Variants in DPYSL2 observed in about 807,000 individuals in gnomAD.
DPYSL2 encodes dihydropyrimidinase-related protein 2.
In DPYSL2, 13 loss-of-function variants were observed where a neutral mutation model predicts 69.9. The ratio of observed to expected loss-of-function variants is 0.19; its 90% CI spans 0.12 to 0.30. The LOEUF is 0.30. DPYSL2 is among the 10% of genes least tolerant of loss of function. DPYSL2 has a pLI of 1.00. For synonymous variants in DPYSL2, 326 were observed against 359.1 expected (o/e 0.91, Z 1.04); for missense variants, 587 against 918.9 (o/e 0.64, Z 4.67).
chr8:26,616,035 C>T (rs958820933), intron 3 of DPYSL2, among the ~76,000 whole-genome samples: 6 of 152,172 alleles, frequency 3.9e-5, no homozygotes, highest in East Asian at 1.9e-4. Context: ...CATATTCCCT[C>T]GTTTACAACA....
intron 3 of DPYSL2, among the ~76,000 whole-genome samples, chr8:26,601,902 G>A (rs1027232140): frequency 2.6e-5 from 4 of 152,252 alleles, no homozygotes; most frequent in African/African-American, 9.6e-5. Context: ...CAGGGATATT[G>A]AGGCAGGACA....
Position 26,591,312 on chromosome 8 carries a change from C to G in DPYSL2, c.628+7329C>G, listed in dbSNP as rs1801721952. On this transcript the variant is annotated intron_variant, in intron 3 of 13. Coordinates refer to ENST00000521913, the MANE Select transcript of DPYSL2 (RefSeq NM_001197293.3). This position sits in a 1 kb window ranked among gnomAD's most constrained non-coding sequence, Gnocchi z 5.8. ...GGCCCATGGGAATGCTAGGCTCCAGCAAGTTCTGCCTGACCTTTGGATGTG... is the reference window on the plus strand; with the variant it reads ...GGCCCATGGGAATGCTAGGCTCCAGGAAGTTCTGCCTGACCTTTGGATGTG... 6.6e-6 allele frequency among the ~76,000 whole-genome samples: 1 copy of G among 152,210 alleles called. No individual in the cohort carries two copies. The highest frequency in any genetic ancestry group is 1.5e-5 in the Non-Finnish European group (1 of 68,024).
At chr8:26,577,111 G>C in intron 1 of DPYSL2, 1 of 441,732 alleles carries the variant, frequency 2.3e-6, no homozygotes, top group Non-Finnish European at 4.5e-6. Flanking sequence ...AGCCTTCCCC[G>C]GATGCCTCCT....
intron 7 of DPYSL2, among the ~76,000 whole-genome samples, chr8:26,633,724 C>T (rs906293760): frequency 4.6e-5 from 7 of 152,168 alleles, no homozygotes; most frequent in Non-Finnish European, 1.0e-4. Context: ...GATCCACACT[C>T]CTCAGCCTCC....
At position 26,594,551 on chromosome 8, in the gene DPYSL2, T is replaced by C. The variant is rs549504053; in HGVS notation, c.628+10568T>C. On this transcript the variant is annotated intron_variant, in intron 3 of 13. Transcript: ENST00000521913. ...TATATCTATCTTGATATGACATCTGTCTGTACCTATGGTCTATCATCTCTA... is the reference window on the plus strand; with the variant it reads ...TATATCTATCTTGATATGACATCTGCCTGTACCTATGGTCTATCATCTCTA... 3.0e-4 allele frequency among the ~76,000 whole-genome samples: 45 copies of C among 152,342 alleles called. 1 individual carries two copies. Among genetic ancestry groups the C allele is most frequent in the Admixed American group, 1.2e-3 (19 of 15,304 alleles).
chr8:26,559,605 A>G (rs1801042348), intron 1 of DPYSL2, among the ~76,000 whole-genome samples: 2 of 152,046 alleles, frequency 1.3e-5, no homozygotes, highest in African/African-American at 4.8e-5. Flanking sequence ...TGGCTGGTTC[A>G]TGTGCTTTTC....
At chr8:26,630,066 GAC>G (rs1051697747) in intron 7 of DPYSL2, among the ~76,000 whole-genome samples, 18 of 152,342 alleles carry the variant, frequency 1.2e-4, no homozygotes, top group Middle Eastern at 3.4e-3. Flanking sequence ...CACAGGCACA[GAC>G]ACGCACATAT....
In DPYSL2 at chr8:26,560,327, C is replaced by T. The variant is rs1801051691; in HGVS notation, c.355-21642C>T. On this transcript the variant is annotated intron_variant, in intron 1 of 13. Transcript: ENST00000521913. The surrounding 1 kb of genome is among the most constrained non-coding windows in gnomAD (Gnocchi z 4.4). ...AGACAAGCCTTAGAATACTTTTAGA[C>T]AGAGCCCAATCAAAGGATTTATTTT... is the stretch of plus-strand genomic sequence containing the variant. 6.6e-6 allele frequency among the ~76,000 whole-genome samples: 1 copy of T among 152,192 alleles called. No individual in the cohort carries two copies. Among genetic ancestry groups the T allele is most frequent in the Non-Finnish European group, 1.5e-5 (1 of 68,032 alleles).
At chr8:26,574,943 GT>G (rs1042284571) in intron 1 of DPYSL2, among the ~76,000 whole-genome samples, 2 of 152,096 alleles carry the variant, frequency 1.3e-5, no homozygotes, top group South Asian at 4.2e-4. Flanking sequence ...GTTTGTTTTT[GT>G]TTTTTTGAGA....
In DPYSL2 at chr8:26,646,585, G is replaced by A. The variant is rs115406734; in HGVS notation, c.1426-1045G>A. Among the ~76,000 whole-genome samples, 995 of 152,098 alleles carry A rather than the reference G, an allele frequency of 6.5e-3. 12 individuals are homozygous for A. Among genetic ancestry groups the A allele is most frequent in the African/African-American group, 0.023 (951 of 41,496 alleles). On this transcript the variant is annotated intron_variant, in intron 10 of 13. Coordinates refer to ENST00000521913, the MANE Select transcript of DPYSL2 (RefSeq NM_001197293.3). ...CTCTTAATACCAGCTTATTTCCTTT[G>A]ACCAGTTTTTTACTGGATTTAGAGT...
At chr8:26,529,545 G>A (rs1800464326) in intron 1 of DPYSL2, among the ~76,000 whole-genome samples, 2 of 151,704 alleles carry the variant, frequency 1.3e-5, no homozygotes, top group Non-Finnish European at 2.9e-5. Context: ...TCAAACTCCT[G>A]GGCTCAAGGG....
rs1161548689 is a variant in DPYSL2, at chr8:26,560,537, C to A, written c.355-21432C>A. Among the ~76,000 whole-genome samples the A allele has an allele frequency of 6.6e-6, 1 of 152,096 alleles. No individual in the cohort carries two copies. The highest frequency in any genetic ancestry group is 1.5e-5 in the Non-Finnish European group (1 of 68,020). ...ACAGCTCACAGCCAGGCTCTGTGGG[C>A]TGCACCCCATGAGAAATTCTAGGTG... On this transcript the variant is annotated intron_variant, in intron 1 of 13. Transcript: ENST00000521913. This position sits in a 1 kb window ranked among gnomAD's most constrained non-coding sequence, Gnocchi z 4.4.
At chr8:26,577,415 C>T (rs1057190674) in intron 1 of DPYSL2, 2 of 150,522 alleles carry the variant, frequency 1.3e-5, no homozygotes, top group African/African-American at 4.9e-5. Flanking sequence ...CGGGAGCCCT[C>T]CCGGGCTGCG....
At chr8:26,544,770 T>C (rs991290668) in intron 1 of DPYSL2, among the ~76,000 whole-genome samples, 3 of 152,212 alleles carry the variant, frequency 2.0e-5, no homozygotes, top group African/African-American at 7.2e-5. Context: ...AGATACACTT[T>C]AGAATTAAAG....
intron 7 of DPYSL2, among the ~76,000 whole-genome samples, chr8:26,633,411 A>G (rs1041942961): frequency 6.6e-6 from 1 of 152,192 alleles, no homozygotes; most frequent in Non-Finnish European, 1.5e-5. Context: ...GTCTTGCCTG[A>G]TCAGATATTC....
intron 1 of DPYSL2, among the ~76,000 whole-genome samples, chr8:26,521,486 T>TG (rs1267572484): frequency 6.6e-6 from 1 of 152,204 alleles, no homozygotes; most frequent in African/African-American, 2.4e-5. Context: ...TTTTTTTTTT[T>TG]TTCTTATAAT....
In DPYSL2 at chr8:26,614,099, G is replaced by A. The variant is rs61621175; in HGVS notation, c.629-10044G>A. Reference sequence around the variant, plus strand: ...CAGCCAGATTGCACCACAGCATTCCGGCTTGGGTGACAGAACCAGACCCTG... The same window carrying A: ...CAGCCAGATTGCACCACAGCATTCCAGCTTGGGTGACAGAACCAGACCCTG... On this transcript the variant is annotated intron_variant, in intron 3 of 13. Coordinates refer to ENST00000521913, the MANE Select transcript of DPYSL2 (RefSeq NM_001197293.3). The surrounding 1 kb of genome is among the most constrained non-coding windows in gnomAD (Gnocchi z 4.9). Among the ~76,000 whole-genome samples the A allele has an allele frequency of 0.033, 5,063 of 152,152 alleles. 286 individuals carry two copies. The highest frequency in any genetic ancestry group is 0.11 in the African/African-American group (4,718 of 41,488).
intron 1 of DPYSL2, among the ~76,000 whole-genome samples, chr8:26,520,474 GT>G (rs11434566): frequency 3.4e-4 from 49 of 145,498 alleles, no homozygotes; most frequent in African/African-American, 7.4e-4. Flanking sequence ...CTGAATGCCT[GT>G]TTTTTTTTTT....
At position 26,588,005 on chromosome 8, in the gene DPYSL2, G is replaced by A. The variant is rs1163561657; in HGVS notation, c.628+4022G>A. ...AGCTCTGGCCTCACCGCTTGCCCTGGGGCCACCTTTGCTCTCAGCCTCAGT... is the reference window on the plus strand; with the variant it reads ...AGCTCTGGCCTCACCGCTTGCCCTGAGGCCACCTTTGCTCTCAGCCTCAGT... On this transcript the variant is annotated intron_variant, in intron 3 of 13. Coordinates refer to ENST00000521913, the MANE Select transcript of DPYSL2 (RefSeq NM_001197293.3). This position sits in a 1 kb window ranked among gnomAD's most constrained non-coding sequence, Gnocchi z 5.4. Among the ~76,000 whole-genome samples the A allele has an allele frequency of 6.6e-6, 1 of 152,198 alleles. No individual in the cohort carries two copies. Among genetic ancestry groups the A allele is most frequent in the African/African-American group, 2.4e-5 (1 of 41,446 alleles).
Sources: allele counts gnomAD v4.1 joint callset (sites outside exome capture counted in the v4.1 genomes callset), GRCh38; gene constraint gnomAD v4.1.1; non-coding constraint Gnocchi (gnomAD v3.1); transcripts MANE v1.5; gene names NCBI Gene and HGNC (gene_info 2026-07-23, HGNC 2026-07-21).